The following CPOX variants were observed in gnomAD, a reference collection of about 807,000 sequenced individuals.
The protein encoded by CPOX is coproporphyrinogen oxidase.
A neutral mutation model predicts 48.9 loss-of-function variants in CPOX; 24 were observed. The observed-to-expected ratio is 0.49, with a 90% CI of 0.36 to 0.69. The LOEUF is 0.69. Among genes scored for constraint, CPOX ranks in the 30% least tolerant of loss-of-function variants. The pLI, the probability that CPOX is intolerant of heterozygous loss-of-function variation, is 0.00. For synonymous variants in CPOX, 249 were observed against 234.6 expected (o/e 1.06, Z -0.56); for missense variants, 549 against 597.3 (o/e 0.92, Z 0.84).
intron 5 of CPOX, among the ~76,000 whole-genome samples, chr3:98,581,931 C>T (rs951013283): frequency 2.6e-5 from 4 of 152,228 alleles, no homozygotes; most frequent in African/African-American, 9.6e-5. Context: ...CTGTAACCCA[C>T]AACTACTACT....
rs376917019 is a variant in CPOX at position 98,593,253 on chromosome 3, C to T, written c.252G>A (p.Gly84=). 1,755 of 1,525,210 alleles carry T rather than the reference C, an allele frequency of 1.2e-3. 14 individuals are homozygous for T. The African/African-American group carries it at 0.021, about 18-fold the overall frequency. The allele number at this position is 1,525,210 out of a possible 1,614,324, so 94.5% of individuals were successfully genotyped here. A position where few individuals can be genotyped will look rare whatever the true frequency, so the allele number is the denominator to read the frequency against. ...AGGCGGCGGTGGCCAGCCCCACCAA[C>T]CCCGCCAGCGCCGCGGCCAGCCCTG... ...VGTGLAAALA[G]LVGLATAAFG... The change falls in exon 1 of 7, where the codon GGG becomes GGA. Residue 84 remains glycine, a synonymous_variant. Transcript: ENST00000647941.
downstream of CPOX, among the ~76,000 whole-genome samples, chr3:98,576,664 G>T (rs2107106493): frequency 6.6e-6 from 1 of 152,326 alleles, no homozygotes; most frequent in African/African-American, 2.4e-5. Context: ...GAAGAAAGAT[G>T]AAATTTTAAA....
Position 98,580,637 on chromosome 3 carries a change from A to G in CPOX, c.*46T>C, listed in dbSNP as rs1338664428. On this transcript the variant is annotated 3_prime_UTR_variant, in exon 7 of 7. Coordinates refer to ENST00000647941, the MANE Select transcript of CPOX (RefSeq NM_000097.7). ...AGTGCCGACCAGTGGCATGGGGAGCACACATCGTGTGCCCTCCAAACCCCT... is the reference window on the plus strand; with the variant it reads ...AGTGCCGACCAGTGGCATGGGGAGCGCACATCGTGTGCCCTCCAAACCCCT... The G allele has an allele frequency of 2.5e-6, 4 of 1,611,372 alleles. No individual in the cohort carries two copies. Among genetic ancestry groups the G allele is most frequent in the African/African-American group, 2.7e-5 (2 of 74,902 alleles).
chr3:98,574,452 G>A (rs973011572), downstream of CPOX, among the ~76,000 whole-genome samples: 4 of 152,084 alleles, frequency 2.6e-5, no homozygotes, highest in African/African-American at 9.7e-5. Context: ...GATGAAAGTA[G>A]GTCCTTATTT....
rs1707526131 is a variant in CPOX at position 98,593,385 on chromosome 3, C to T, written c.120G>A (p.Gln40=). ...CGGGGLRAWS[Q]RSAAGRVCRP... is the part of the protein sequence containing the mutation. ...GGCAGACGCGTCCGGCTGCGCTGCG[C>T]TGGGACCAGGCTCGGAGCCCTCCGC... is the stretch of plus-strand genomic sequence containing the variant. The change falls in exon 1 of 7, where the codon CAG becomes CAA. Residue 40 remains glutamine, a synonymous_variant. Coordinates refer to ENST00000647941, the MANE Select transcript of CPOX (RefSeq NM_000097.7). 2.9e-6 allele frequency: 4 copies of T among 1,379,666 alleles called. No individual in the cohort carries two copies. In the African/African-American group the frequency reaches 4.6e-5, roughly 16 times the overall value. The allele number at this position is 1,379,666 out of a possible 1,614,324, so 85.5% of individuals were successfully genotyped here.
chr3:98,579,636 A>G lies in CPOX; in HGVS notation c.*1047T>C. 1 of 982,454 alleles carries G rather than the reference A, an allele frequency of 1.0e-6. No homozygotes were observed. The highest frequency in any genetic ancestry group is 1.2e-6 in the Non-Finnish European group (1 of 827,196). 60.9% of individuals were successfully genotyped at this position (982,454 alleles called of 1,614,324 possible). On this transcript the variant is annotated 3_prime_UTR_variant, in exon 7 of 7. Coordinates refer to ENST00000647941, the MANE Select transcript of CPOX (RefSeq NM_000097.7). Reference sequence around the variant, plus strand: ...GCAAATAAAATAATACATTCATAATATATGAACAAAGAAATCATACATTAA... The same window carrying G: ...GCAAATAAAATAATACATTCATAATGTATGAACAAAGAAATCATACATTAA...
intron 1 of CPOX, among the ~76,000 whole-genome samples, chr3:98,591,675 T>C (rs375585819): frequency 6.6e-6 from 1 of 152,232 alleles, no homozygotes; most frequent in Non-Finnish European, 1.5e-5. Flanking sequence ...CACATTAGTA[T>C]TCACGTGTAT....
chr3:98,577,765 A>G (rs1707184116), downstream of CPOX, among the ~76,000 whole-genome samples: 1 of 152,222 alleles, frequency 6.6e-6, no homozygotes, highest in Non-Finnish European at 1.5e-5. Flanking sequence ...TAGGCAATGC[A>G]GCCTGCAGTC....
the CPOX span, among the ~76,000 whole-genome samples, chr3:98,572,368 T>G: frequency 6.6e-6 from 1 of 152,220 alleles, no homozygotes; most frequent in Non-Finnish European, 1.5e-5. Context: ...ACTTGCCTGG[T>G]ATAGCTATCA....
the CPOX span, among the ~76,000 whole-genome samples, chr3:98,571,242 G>A: frequency 2.6e-5 from 4 of 152,076 alleles, no homozygotes; most frequent in Non-Finnish European, 5.9e-5. Context: ...TTGAATAATA[G>A]TAGTGATACT....
At position 98,593,570 on chromosome 3, in the gene CPOX, G is replaced by C; in HGVS notation, c.-66C>G. ...GCCCTGCGTTTGAGCCCCCCACCCA[G>C]ACCCCCGGAGTATTGAGCCGGCGAG... On this transcript the variant is annotated 5_prime_UTR_variant, in exon 1 of 7. Coordinates refer to ENST00000647941, the MANE Select transcript of CPOX (RefSeq NM_000097.7). 6.9e-7 allele frequency: 1 copy of C among 1,451,816 alleles called. No homozygotes were observed. The highest frequency in any genetic ancestry group is 9.2e-7 in the Non-Finnish European group (1 of 1,090,264). The allele number at this position is 1,451,816 out of a possible 1,614,324, so 89.9% of individuals were successfully genotyped here. A position where few individuals can be genotyped will look rare whatever the true frequency, so the allele number is the denominator to read the frequency against.
chr3:98,581,049 G>A (rs574370990), intron 6 of CPOX, among the ~76,000 whole-genome samples: 26 of 152,186 alleles, frequency 1.7e-4, no homozygotes, highest in Non-Finnish European at 3.4e-4. Context: ...TTCATATAGT[G>A]TAGAAACTCA....
intron 3 of CPOX, 122 bp from the exon 4 acceptor site, chr3:98,588,976 A>T: frequency 8.9e-7 from 1 of 1,118,560 alleles, no homozygotes. Context: ...AATAAAAAAA[A>T]TTTTAACTGA....
At position 98,592,966 on chromosome 3, in the gene CPOX, C is replaced by T; in HGVS notation, c.539G>A (p.Arg180Gln). 1 of 1,613,208 alleles carries T rather than the reference C, an allele frequency of 6.2e-7. No homozygotes were observed. Among genetic ancestry groups the T allele is most frequent in the Non-Finnish European group, 8.5e-7 (1 of 1,179,698 alleles). ...VDGGANFSVDRWERKEGGGGI... is the reference protein window; with the variant it reads ...VDGGANFSVDQWERKEGGGGI... The stretch of plus-strand genomic sequence containing the variant: ...CTCCTTACCTTCCTTCCTCTCCCAC[C>T]GGTCCACAGAAAAGTTGGCGCCCCC... Residue 180 changes from arginine to glutamine, a missense_variant, in exon 1 of 7, where the codon CGG (arginine) becomes CAG (glutamine). This residue lies in a region of CPOX where 336 missense variants were observed against 318.1 expected (regional missense o/e 1.06). Coordinates refer to ENST00000647941, the MANE Select transcript of CPOX (RefSeq NM_000097.7).
At position 98,590,643 on chromosome 3, in the gene CPOX, T is replaced by C. The variant is rs1309602222; in HGVS notation, c.800A>G (p.Glu267Gly). 1 of 1,610,164 alleles carries C rather than the reference T, an allele frequency of 6.2e-7. No homozygotes were observed. The highest frequency in any genetic ancestry group is 8.5e-7 in the Non-Finnish European group (1 of 1,176,476). ...IHFNYRYFEV[E>G]EADGNKQWWF... The stretch of plus-strand genomic sequence containing the variant: ...CCTGAGACCCTTACCATCAGCTTCT[T>C]CTACTTCAAAGTATCTGTAGTTGAA... The change falls in exon 3 of 7, where the codon GAA becomes GGA. Residue 267 changes from glutamate (E) to glycine (G), a missense_variant. This residue lies in a region of CPOX where 213 missense variants were observed against 279.1 expected (regional missense o/e 0.76). Coordinates refer to ENST00000647941, the MANE Select transcript of CPOX (RefSeq NM_000097.7).
At chr3:98,591,286 A>C in intron 1 of CPOX, 131 bp from the exon 2 acceptor site, 1 of 957,846 alleles carries the variant, frequency 1.0e-6, no homozygotes, top group Non-Finnish European at 1.6e-6. Context: ...TTTTATGTAC[A>C]ATACAATTAG....
rs1576300550 is a variant in CPOX, at chr3:98,585,559, G to GA, written c.1053dup (p.Arg352SerfsTer23). The GA allele has an allele frequency of 3.1e-6, 5 of 1,614,018 alleles. No individual in the cohort carries two copies. The highest frequency in any genetic ancestry group is 4.2e-6 in the Non-Finnish European group (5 of 1,180,030). ...GCCCTGGCACAGCTCTGTACAAAGC[G>GA]AAACACCTCCTCCTTGGACGGAGAG... is the stretch of plus-strand genomic sequence containing the variant. On this transcript the variant is annotated frameshift_variant, in exon 5 of 7. Transcript: ENST00000647941. LOFTEE classifies it high-confidence loss of function.
chr3:98,581,372 G>T, intron 6 of CPOX, 35 bp downstream of exon 6: 1 of 1,428,442 alleles, frequency 7.0e-7, no homozygotes, highest in Non-Finnish European at 9.9e-7. Context: ...AATTGGGAGT[G>T]TAGGGATAAC....
intron 4 of CPOX, among the ~76,000 whole-genome samples, chr3:98,586,137 G>C (rs1255424184): frequency 6.6e-6 from 1 of 152,120 alleles, no homozygotes; most frequent in African/African-American, 2.4e-5. Flanking sequence ...CTCCCAAAGT[G>C]CTGGGATTAC....
Sources: gnomAD v4.1 joint callset for allele counts (sites outside exome capture counted in the v4.1 genomes callset) on GRCh38, gnomAD v4.1.1 for gene constraint, gnomAD v4.1.1 regional missense constraint, MANE v1.5 for transcripts, NCBI Gene and HGNC (gene_info 2026-07-23, HGNC 2026-07-21) for gene names.